COL21A1: variants seen among roughly 807,000 people sequenced by gnomAD.
COL21A1 encodes collagen type XXI alpha 1 chain.
In COL21A1, 149 loss-of-function variants were observed where a neutral mutation model predicts 137.9. The ratio of observed to expected loss-of-function variants is 1.08; its 90% CI spans 0.95 to 1.24. The LOEUF (loss-of-function observed/expected upper bound fraction) is 1.24. Among genes scored for constraint, COL21A1 ranks in the 50% most tolerant of loss-of-function variants. The pLI is 0.00. For missense variants in COL21A1, 1,167 were observed against 1,158.4 expected, an observed-to-expected ratio of 1.01 and a Z score of -0.11; for synonymous variants, 456 against 391.5, an observed-to-expected ratio of 1.16 and a Z score of -1.95.
intron 1 of COL21A1, among the ~76,000 whole-genome samples, chr6:56,192,281 T>C (rs889218399): frequency 2.4e-4 from 37 of 152,144 alleles, no homozygotes; most frequent in African/African-American, 8.4e-4. Flanking sequence ...ATTCAGGACA[T>C]AGGCATGGGC....
chr6:56,237,409 A>G (rs1364341360), intron 1 of COL21A1, among the ~76,000 whole-genome samples: 3 of 152,170 alleles, frequency 2.0e-5, no homozygotes, highest in African/African-American at 7.2e-5. Context: ...GGATAAAATG[A>G]AAGAGTAGAT....
At chr6:56,148,457 A>G (rs1582484015) in intron 10 of COL21A1, among the ~76,000 whole-genome samples, 1 of 151,918 alleles carries the variant, frequency 6.6e-6, no homozygotes, top group East Asian at 1.9e-4. Context: ...TCTAGAATGT[A>G]TTTCATATAC....
chr6:56,065,460 CAATT>C (rs1766158970), intron 23 of COL21A1, among the ~76,000 whole-genome samples: 1 of 151,892 alleles, frequency 6.6e-6, no homozygotes, highest in African/African-American at 2.4e-5. Context: ...GAGAGATAAG[CAATT>C]AAATCTAGAA....
chr6:56,236,755 A>G (rs1227946367), intron 1 of COL21A1, among the ~76,000 whole-genome samples: 3 of 152,064 alleles, frequency 2.0e-5, no homozygotes, highest in Admixed American at 1.3e-4. Flanking sequence ...CAATCTGGCT[A>G]TGGCTTGCCT....
intron 24 of COL21A1, among the ~76,000 whole-genome samples, chr6:56,063,061 A>G (rs1404122665): frequency 1.3e-5 from 2 of 152,136 alleles, no homozygotes; most frequent in African/African-American, 4.8e-5. Context: ...CAGCTGCTGA[A>G]AAGCAACAGC....
intron 17 of COL21A1, among the ~76,000 whole-genome samples, chr6:56,085,206 G>A (rs1768124306): frequency 6.6e-6 from 1 of 151,502 alleles, no homozygotes; most frequent in South Asian, 2.1e-4. Context: ...TTTAAATCTG[G>A]AAAAAATAAT....
intron 1 of COL21A1, among the ~76,000 whole-genome samples, chr6:56,187,655 C>T (rs558456191): frequency 6.6e-5 from 10 of 152,270 alleles, no homozygotes; most frequent in African/African-American, 2.2e-4. Context: ...AACCTGGACT[C>T]CTACCTCATT....
intron 1 of COL21A1, among the ~76,000 whole-genome samples, chr6:56,348,371 T>G (rs986272464): frequency 6.6e-6 from 1 of 152,174 alleles, no homozygotes; most frequent in African/African-American, 2.4e-5. Context: ...CCCTTTCCTC[T>G]TTTTCATTTC....
At chr6:56,205,246 A>G (rs1334140224) in intron 1 of COL21A1, among the ~76,000 whole-genome samples, 1 of 152,232 alleles carries the variant, frequency 6.6e-6, no homozygotes, top group Non-Finnish European at 1.5e-5. Context: ...AAAAAAGGTT[A>G]GACAAATTGA....
intron 12 of COL21A1, among the ~76,000 whole-genome samples, chr6:56,132,484 A>G (rs771516953): frequency 3.9e-5 from 6 of 152,222 alleles, no homozygotes; most frequent in Non-Finnish European, 7.3e-5. Context: ...TAATTAAAAC[A>G]ATTCTGCAAT....
chr6:56,263,765 T>C (rs949495778), intron 1 of COL21A1, among the ~76,000 whole-genome samples: 17 of 152,266 alleles, frequency 1.1e-4, no homozygotes, highest in Non-Finnish European at 2.5e-4. Flanking sequence ...AGCTGTGTTC[T>C]TGTTTTCTAT....
At chr6:56,211,736 G>C (rs1780190318) in intron 1 of COL21A1, among the ~76,000 whole-genome samples, 1 of 152,092 alleles carries the variant, frequency 6.6e-6, no homozygotes, top group East Asian at 1.9e-4. Context: ...ATTTCACTGG[G>C]TAAGCCTCTA....
intron 14 of COL21A1, 94 bp from the exon 15 acceptor site, chr6:56,124,386 C>G: frequency 8.4e-7 from 1 of 1,187,096 alleles, no homozygotes; most frequent in South Asian, 1.3e-5. Context: ...AAGTTAACAT[C>G]ATTATGTAGT....
chr6:56,208,428 G>A (rs1009646249), intron 1 of COL21A1, among the ~76,000 whole-genome samples: 1 of 152,068 alleles, frequency 6.6e-6, no homozygotes, highest in African/African-American at 2.4e-5. Context: ...ATTCACAATT[G>A]CTACAAAGAG....
At chr6:56,239,683 GA>G (rs1185817162) in intron 1 of COL21A1, among the ~76,000 whole-genome samples, 1 of 152,106 alleles carries the variant, frequency 6.6e-6, no homozygotes. Flanking sequence ...TTGTTTGGAA[GA>G]AAAAGCTGTT....
At chr6:56,169,316 T>G (rs923870373) in intron 5 of COL21A1, among the ~76,000 whole-genome samples, 2 of 151,970 alleles carry the variant, frequency 1.3e-5, no homozygotes, top group Non-Finnish European at 2.9e-5. Context: ...TCCATCTTAT[T>G]AATTTCTGTA....
At chr6:56,275,150 T>C (rs1763612571) in intron 1 of COL21A1, among the ~76,000 whole-genome samples, 1 of 152,202 alleles carries the variant, frequency 6.6e-6, no homozygotes, top group Non-Finnish European at 1.5e-5. Flanking sequence ...CTCAGATAAC[T>C]GACTAGCCAT....
intron 10 of COL21A1, among the ~76,000 whole-genome samples, chr6:56,143,156 C>T (rs1348406140): frequency 6.6e-6 from 1 of 150,466 alleles, no homozygotes; most frequent in Non-Finnish European, 1.5e-5. Context: ...AAATTGCCTT[C>T]TCAGTTACTT....
intron 1 of COL21A1, among the ~76,000 whole-genome samples, chr6:56,365,117 C>T (rs1766068093): frequency 6.6e-6 from 1 of 152,112 alleles, no homozygotes; most frequent in African/African-American, 2.4e-5. Context: ...TCCTAAACCA[C>T]CAGGAATCAA....
Sources: allele counts gnomAD v4.1 joint callset (sites outside exome capture counted in the v4.1 genomes callset), GRCh38; gene constraint gnomAD v4.1.1; transcripts MANE v1.5; gene names NCBI Gene and HGNC (gene_info 2026-07-23, HGNC 2026-07-21).